The following IL18R1 variants were observed in gnomAD, a reference collection of about 807,000 sequenced individuals.
IL18R1 encodes the protein interleukin 18 receptor 1.
IL18R1 carries 40 observed loss-of-function variants against 48.5 expected under a neutral mutation model. That is an observed-to-expected ratio of 0.82 (90% CI 0.64 to 1.07). The LOEUF is 1.07. IL18R1 is among the 50% of genes least tolerant of loss of function. The probability of loss-of-function intolerance (pLI) is 0.00; values close to 1 mark genes in which losing one functional copy is unlikely to be tolerated. For missense variants in IL18R1, 596 were observed against 633.7 expected, an observed-to-expected ratio of 0.94 and a Z score of 0.64; for synonymous variants, 232 against 225.9, an observed-to-expected ratio of 1.03 and a Z score of -0.24.
rs577967648 is a variant in IL18R1, at chr2:102,370,733, T to C, written c.303-1220T>C. Among the ~76,000 whole-genome samples, 3 of 152,358 alleles carry C rather than the reference T, an allele frequency of 2.0e-5. No individual in the cohort carries two copies. The East Asian group carries it at 5.8e-4, about 29-fold the overall frequency. ...TGAGTTGTTTAACCTGTCTGAGATT[T>C]AGCATTCTCATCTGAGCCTAAGGAA... On this transcript the variant is annotated intron_variant, in intron 3 of 10. Transcript: ENST00000233957.
At position 102,394,552 on chromosome 2, in the gene IL18R1, A is replaced by G. The variant is rs762982732; in HGVS notation, c.1195A>G (p.Ile399Val). ...NGEEHTFAVE[I>V]LPRVLEKHFG... ...AGAGGAGCACACCTTTGCTGTGGAG[A>G]TTTTGCCCAGGGTGTTGGAGAAACA... is the stretch of plus-strand genomic sequence containing the variant. The change falls in exon 10 of 11, where the codon ATT becomes GTT. Residue 399 changes from isoleucine (I) to valine (V), a missense_variant. Physicochemically the swap from Ile to Val is conservative, Grantham distance 29. Transcript: ENST00000233957. 1 of 1,613,486 alleles carries G rather than the reference A, an allele frequency of 6.2e-7. No individual in the cohort carries two copies. The highest frequency in any genetic ancestry group is 8.5e-7 in the Non-Finnish European group (1 of 1,179,556).
At chr2:102,392,203 A>G (rs1300158865) in intron 9 of IL18R1, among the ~76,000 whole-genome samples, 2 of 152,228 alleles carry the variant, frequency 1.3e-5, no homozygotes, top group African/African-American at 4.8e-5. Flanking sequence ...ATTGAACAAC[A>G]TAAAATTAGC....
intron 1 of IL18R1, 92 bp from the exon 2 acceptor site, chr2:102,362,541 A>T: frequency 1.3e-6 from 1 of 744,276 alleles, no homozygotes; most frequent in East Asian, 2.8e-5. Flanking sequence ...TTTTTTTAAA[A>T]ATCTGTGTGC....
In IL18R1 at chr2:102,390,072, C is replaced by T; in HGVS notation, c.966C>T (p.Ile322=). The change falls in exon 9 of 11, where the codon ATC becomes ATT. Residue 322 remains isoleucine, a synonymous_variant. Transcript: ENST00000233957. ...CTTTTCTAGCAGACATGGCTGATAT[C>T]CCAGGCCACGTCTTCACAAGAGGAA... ...ILVRKADMAD[I]PGHVFTRGMI... 6.2e-7 allele frequency: 1 copy of T among 1,613,854 alleles called. No homozygotes were observed. Among genetic ancestry groups the T allele is most frequent in the African/African-American group, 1.3e-5 (1 of 74,986 alleles).
chr2:102,396,886 A>G lies in IL18R1; in HGVS notation c.1626A>G (p.Ter542=), dbSNP rs746882978. 20 of 1,566,362 alleles carry G rather than the reference A, an allele frequency of 1.3e-5. No individual in the cohort carries two copies. Among genetic ancestry groups the G allele is most frequent in the East Asian group, 6.7e-5 (3 of 44,694 alleles). Residue 542 remains the stop codon, a stop_retained_variant, in exon 11 of 11, where the codon TAA becomes TAG. Transcript: ENST00000233957. ...TCTTGCCTGTTCTTTCCGAGTCTTA[A>G]TCTTCAGAAACAGTGAACGCCAAAA... is the stretch of plus-strand genomic sequence containing the variant. ...PEVLPVLSES[*] is the part of the protein sequence containing the mutation.
intron 1 of IL18R1, among the ~76,000 whole-genome samples, chr2:102,358,418 C>CT (rs538001570): frequency 2.7e-5 from 4 of 149,684 alleles, no homozygotes; most frequent in East Asian, 2.0e-4. Context: ...TTGAAGGAAA[C>CT]TTTTTTTTTT....
At chr2:102,391,303 A>G (rs1680557874) in intron 9 of IL18R1, among the ~76,000 whole-genome samples, 1 of 152,194 alleles carries the variant, frequency 6.6e-6, no homozygotes, top group Non-Finnish European at 1.5e-5. Context: ...CCAAATATCA[A>G]TACAGATTCT....
chr2:102,380,029 T>A (rs1679827024), intron 5 of IL18R1, among the ~76,000 whole-genome samples: 1 of 152,194 alleles, frequency 6.6e-6, no homozygotes, highest in Non-Finnish European at 1.5e-5. Context: ...TGCTCGTGAA[T>A]CACAGTCACC....
At chr2:102,379,072 T>A (rs1033313673) in intron 5 of IL18R1, among the ~76,000 whole-genome samples, 1 of 152,144 alleles carries the variant, frequency 6.6e-6, no homozygotes, top group African/African-American at 2.4e-5. Context: ...ATCCTAAGGG[T>A]CATGGCAATG....
chr2:102,360,793 CAT>C (rs1678531547), intron 1 of IL18R1, among the ~76,000 whole-genome samples: 1 of 152,112 alleles, frequency 6.6e-6, no homozygotes, highest in Admixed American at 6.6e-5. Context: ...AAAATTCTTA[CAT>C]GTGAGACATT....
intron 6 of IL18R1, among the ~76,000 whole-genome samples, chr2:102,383,357 C>T (rs1680026714): frequency 1.3e-5 from 2 of 152,178 alleles, no homozygotes; most frequent in Non-Finnish European, 2.9e-5. Flanking sequence ...CTTTTATCTG[C>T]TTGTTCCATG....
chr2:102,362,845 C>G (rs1376073022), intron 2 of IL18R1, 127 bp downstream of exon 2: 2 of 564,016 alleles, frequency 3.5e-6, no homozygotes, highest in Non-Finnish European at 6.2e-6. Context: ...ATTCTGCAGT[C>G]TGAGTTCATG....
intron 10 of IL18R1, 136 bp downstream of exon 10, chr2:102,394,763 A>C: frequency 3.3e-6 from 2 of 606,816 alleles, no homozygotes; most frequent in South Asian, 5.8e-5. Flanking sequence ...ATAACCACGT[A>C]AGTCAACAAT....
intron 6 of IL18R1, among the ~76,000 whole-genome samples, chr2:102,383,726 T>C (rs1045483731): frequency 2.6e-5 from 4 of 152,214 alleles, no homozygotes; most frequent in African/African-American, 9.6e-5. Flanking sequence ...ATATGGTCAG[T>C]ATGGTGTTTA....
chr2:102,386,715 T>C, intron 7 of IL18R1, 146 bp from the exon 8 acceptor site: 1 of 787,398 alleles, frequency 1.3e-6, no homozygotes, highest in Non-Finnish European at 2.1e-6. Flanking sequence ...ACGTTTATTG[T>C]AGTCCATGCT....
Position 102,356,314 on chromosome 2 carries a change from C to A in IL18R1, c.-115C>A, listed in dbSNP as rs1002392024. The A allele has an allele frequency of 4.1e-6, 4 of 984,268 alleles. No individual in the cohort carries two copies. Among genetic ancestry groups the A allele is most frequent in the Non-Finnish European group, 3.6e-6 (3 of 829,606 alleles). 61.0% of individuals were successfully genotyped at this position (984,268 alleles called of 1,614,324 possible). Reference sequence around the variant, plus strand: ...GGCGGAGATCGCTGCTTCTCACCTACTTTCTGAACTTGGCCTCCGCAGTCG... The same window carrying A: ...GGCGGAGATCGCTGCTTCTCACCTAATTTCTGAACTTGGCCTCCGCAGTCG... On this transcript the variant is annotated 5_prime_UTR_variant, in exon 1 of 11. Transcript: ENST00000233957.
intron 4 of IL18R1, among the ~76,000 whole-genome samples, chr2:102,372,695 C>T (rs1451174117): frequency 6.6e-6 from 1 of 152,076 alleles, no homozygotes; most frequent in East Asian, 1.9e-4. Context: ...TATCCCTTCA[C>T]ATCTTTAAAT....
intron 3 of IL18R1, among the ~76,000 whole-genome samples, chr2:102,370,914 G>T (rs545088018): frequency 6.6e-6 from 1 of 152,290 alleles, no homozygotes; most frequent in Admixed American, 6.5e-5. Context: ...TTAAAAACAC[G>T]CATCTGCTGT....
rs1237822391 is a variant in IL18R1, at chr2:102,396,781, T to C, written c.1521T>C (p.Ser507=). ...AGTGGAAGGCCGATAAATCTCTTTC[T>C]TATAACTCAAGGTTCTGGAAGAACC... The part of the protein sequence containing the change: ...VLKWKADKSL[S]YNSRFWKNLL... The change falls in exon 11 of 11, where the codon TCT becomes TCC. Residue 507 remains serine (S), a synonymous_variant. Coordinates refer to ENST00000233957, the MANE Select transcript of IL18R1 (RefSeq NM_003855.5). 6.2e-7 allele frequency: 1 copy of C among 1,614,030 alleles called. No individual in the cohort carries two copies. The highest frequency in any genetic ancestry group is 8.5e-7 in the Non-Finnish European group (1 of 1,179,976).
Sources: allele counts gnomAD v4.1 joint callset (sites outside exome capture counted in the v4.1 genomes callset), GRCh38; gene constraint gnomAD v4.1.1; transcripts MANE v1.5; gene names NCBI Gene and HGNC (gene_info 2026-07-23, HGNC 2026-07-21).